NDST4: variants seen among roughly 807,000 people sequenced by gnomAD.
NDST4 encodes N-heparan sulfate sulfotransferase 4.
Under a neutral mutation model 100.8 loss-of-function variants are expected in NDST4, and 63 were observed. The ratio of observed to expected loss-of-function variants is 0.62; its 90% CI spans 0.51 to 0.77. NDST4 has a LOEUF of 0.77. NDST4 is among the 30% of genes least tolerant of loss of function. The probability of loss-of-function intolerance (pLI) is 0.00; values close to 1 mark genes in which losing one functional copy is unlikely to be tolerated. For missense variants in NDST4, 943 were observed against 1,018.4 expected, an observed-to-expected ratio of 0.93 and a Z score of 1.01; for synonymous variants, 377 against 361.8, an observed-to-expected ratio of 1.04 and a Z score of -0.48.
intron 6 of NDST4, among the ~76,000 whole-genome samples, chr4:114,923,628 CTTT>C: frequency 6.6e-6 from 1 of 151,916 alleles, no homozygotes; most frequent in Admixed American, 6.6e-5. Flanking sequence ...GTTTTCTTTT[CTTT>C]TTTTCTTATT....
chr4:114,920,716 C>A (rs936879604), intron 6 of NDST4, among the ~76,000 whole-genome samples: 1 of 152,092 alleles, frequency 6.6e-6, no homozygotes, highest in Non-Finnish European at 1.5e-5. Flanking sequence ...TTGGCTGTTT[C>A]TCTGGTTTTA....
intron 6 of NDST4, among the ~76,000 whole-genome samples, chr4:114,928,155 T>G (rs1217061736): frequency 1.3e-5 from 2 of 152,168 alleles, no homozygotes; most frequent in Admixed American, 1.3e-4. Flanking sequence ...ATGGTTTGGG[T>G]GAAAGATATG....
chr4:114,985,254 C>T (rs1010595311), intron 2 of NDST4, among the ~76,000 whole-genome samples: 1 of 152,058 alleles, frequency 6.6e-6, no homozygotes, highest in Non-Finnish European at 1.5e-5. Context: ...CTCTTTTCAC[C>T]CACCAGTTAA....
chr4:115,108,016 A>T (rs1729865301), intron 1 of NDST4, among the ~76,000 whole-genome samples: 1 of 152,034 alleles, frequency 6.6e-6, no homozygotes, highest in Admixed American at 6.6e-5. Flanking sequence ...TGGTAGTATA[A>T]TTTATTGATT....
intron 3 of NDST4, among the ~76,000 whole-genome samples, chr4:114,971,151 T>G (rs941205987): frequency 2.1e-4 from 32 of 152,184 alleles, no homozygotes; most frequent in African/African-American, 6.3e-4. Context: ...ATTTTAAAAG[T>G]TTAGCTCTTG....
chr4:114,960,678 C>T (rs1165436117), intron 4 of NDST4, among the ~76,000 whole-genome samples: 1 of 152,030 alleles, frequency 6.6e-6, no homozygotes, highest in Non-Finnish European at 1.5e-5. Context: ...AAATAATATG[C>T]ATATAATTTC....
intron 6 of NDST4, among the ~76,000 whole-genome samples, chr4:114,933,394 C>G (rs976584501): frequency 2.2e-5 from 3 of 134,540 alleles, no homozygotes; most frequent in African/African-American, 8.2e-5. Context: ...AGGGAAAAAA[C>G]TTTTTGACAT....
At position 114,933,432 on chromosome 4, in the gene NDST4, C is replaced by CTTTTTTTTTTTTTTTTTTCCTT. The variant is rs1553955185; in HGVS notation, c.1536+1773_1536+1774insAAGGAAAAAAAAAAAAAAAAAA. ...GACTGGGAATTGATTTTTTCTTTTC[C>CTTTTTTTTTTTTTTTTTTCCTT]TTTTTTTTTTTTTTTTTTTTTTGTG... On this transcript the variant is annotated intron_variant, in intron 6 of 13. Coordinates refer to ENST00000264363, the MANE Select transcript of NDST4 (RefSeq NM_022569.3). Among the ~76,000 whole-genome samples, 58 of 89,236 alleles carry CTTTTTTTTTTTTTTTTTTCCTT rather than the reference C, an allele frequency of 6.5e-4. 1 individual carries two copies. Among genetic ancestry groups the CTTTTTTTTTTTTTTTTTTCCTT allele is most frequent in the East Asian group, 6.2e-3 (14 of 2,254 alleles). The allele number at this position is 89,236 out of a possible 152,430, so 58.5% of individuals were successfully genotyped here. A position where few individuals can be genotyped will look rare whatever the true frequency, so the allele number is the denominator to read the frequency against.
intron 2 of NDST4, among the ~76,000 whole-genome samples, chr4:115,009,358 C>T (rs1371072327): frequency 1.6e-5 from 2 of 127,648 alleles, no homozygotes; most frequent in Non-Finnish European, 3.3e-5. Flanking sequence ...TGGAACAGAA[C>T]AGAGCCCTCA....
intron 2 of NDST4, among the ~76,000 whole-genome samples, chr4:114,993,884 C>G (rs2126252838): frequency 6.6e-6 from 1 of 152,070 alleles, no homozygotes; most frequent in East Asian, 1.9e-4. Context: ...TCCATATCTT[C>G]TCTAACAACA....
chr4:114,883,990 T>A (rs1412650550), intron 6 of NDST4, among the ~76,000 whole-genome samples: 1 of 152,048 alleles, frequency 6.6e-6, no homozygotes, highest in African/African-American at 2.4e-5. Flanking sequence ...TACAAGACAC[T>A]CCCTACAAAA....
rs1230904298 is a variant in NDST4, at chr4:115,076,734, G to T, written c.303C>A (p.Ser101=). 1 of 1,613,920 alleles carries T rather than the reference G, an allele frequency of 6.2e-7. No homozygotes were observed. The highest frequency in any genetic ancestry group is 1.7e-5 in the Admixed American group (1 of 59,994). The change falls in exon 2 of 14, where the codon TCC becomes TCA. Residue 101 remains serine, a synonymous_variant. Transcript: ENST00000264363. ...LGQDIIAILE[S]SRFQYHMVIA... is the part of the protein sequence containing the mutation. ...TAACCATGTGGTACTGAAATCGGCT[G>T]GACTCCAAAATAGCTATGATATCTT...
intron 7 of NDST4, among the ~76,000 whole-genome samples, chr4:114,855,298 A>G (rs1007591695): frequency 6.6e-6 from 1 of 151,952 alleles, no homozygotes; most frequent in East Asian, 1.9e-4. Context: ...CCATTTGCCC[A>G]TTTTTGCTTT....
At chr4:114,831,780 G>A (rs952647330) in intron 12 of NDST4, among the ~76,000 whole-genome samples, 5 of 152,276 alleles carry the variant, frequency 3.3e-5, no homozygotes, top group African/African-American at 1.2e-4. Context: ...TTCATTTATT[G>A]CATTGGCAAC....
In NDST4 at chr4:114,888,850, G is replaced by A. The variant is rs1211633801; in HGVS notation, c.1537-17900C>T. Among the ~76,000 whole-genome samples the A allele has an allele frequency of 2.0e-5, 3 of 152,072 alleles. No individual in the cohort carries two copies. The South Asian group carries it at 6.2e-4, about 32-fold the overall frequency. Reference sequence around the variant, plus strand: ...ACCATGGGATCCTACAATAGGTAGTGGATTTTAATCACATAGTCATTCTCA... The same window carrying A: ...ACCATGGGATCCTACAATAGGTAGTAGATTTTAATCACATAGTCATTCTCA... On this transcript the variant is annotated intron_variant, in intron 6 of 13. Coordinates refer to ENST00000264363, the MANE Select transcript of NDST4 (RefSeq NM_022569.3).
At position 114,865,539 on chromosome 4, in the gene NDST4, T is replaced by C. The variant is rs1039929979; in HGVS notation, c.1719+5229A>G. 3.3e-5 allele frequency among the ~76,000 whole-genome samples: 5 copies of C among 152,368 alleles called. No homozygotes were observed. In the East Asian group the frequency reaches 5.8e-4, roughly 18 times the overall value. ...CAGTATTATGCACTCATATATGACA[T>C]TGAACTTATCAAATGTTTCTGTAAG... On this transcript the variant is annotated intron_variant, in intron 7 of 13. Coordinates refer to ENST00000264363, the MANE Select transcript of NDST4 (RefSeq NM_022569.3).
At chr4:114,955,459 G>C (rs894022109) in intron 4 of NDST4, among the ~76,000 whole-genome samples, 4 of 152,190 alleles carry the variant, frequency 2.6e-5, no homozygotes, top group Non-Finnish European at 5.9e-5. Flanking sequence ...AGCTTAGAGG[G>C]CTTTGAGACA....
chr4:114,860,872 C>G (rs1723904650), intron 7 of NDST4, among the ~76,000 whole-genome samples: 1 of 152,064 alleles, frequency 6.6e-6, no homozygotes, highest in Non-Finnish European at 1.5e-5. Context: ...CATTCTGTTA[C>G]AAGATAAAAA....
intron 2 of NDST4, among the ~76,000 whole-genome samples, chr4:115,013,601 G>T (rs1727608930): frequency 1.3e-5 from 2 of 151,648 alleles, no homozygotes; most frequent in African/African-American, 4.8e-5. Flanking sequence ...ACCACTCAGA[G>T]TACGGGCTTA....
Sources: gnomAD v4.1 joint callset for allele counts (sites outside exome capture counted in the v4.1 genomes callset) on GRCh38, gnomAD v4.1.1 for gene constraint, MANE v1.5 for transcripts, NCBI Gene and HGNC (gene_info 2026-07-23, HGNC 2026-07-21) for gene names.